ELFN2: variants seen among roughly 807,000 people sequenced by gnomAD.
The protein encoded by ELFN2 is protein phosphatase 1 regulatory subunit 29.
Under a neutral mutation model 45.5 loss-of-function variants are expected in ELFN2, and 17 were observed. The ratio of observed to expected loss-of-function variants is 0.37; its 90% confidence interval spans 0.26 to 0.56. The LOEUF is 0.56. Among genes scored for constraint, ELFN2 ranks in the 20% least tolerant of loss-of-function variants. The pLI is 0.77. For missense variants in ELFN2, 922 were observed against 1,183.2 expected, an observed-to-expected ratio of 0.78 and a Z score of 3.24; for synonymous variants, 550 against 551.5, an observed-to-expected ratio of 1.00 and a Z score of 0.04.
intron 2 of ELFN2, among the ~76,000 whole-genome samples, chr22:37,382,542 T>TTC (rs1931817894): frequency 1.8e-5 from 1 of 54,336 alleles, no homozygotes; most frequent in East Asian, 4.6e-4. Flanking sequence ...CACGCTGGCC[T>TTC]TTTTTTTTTT....
chr22:37,362,464 C>T (rs1014212044), intron 1 of ELFN2, among the ~76,000 whole-genome samples: 4 of 152,174 alleles, frequency 2.6e-5, no homozygotes, highest in African/African-American at 9.6e-5. Context: ...AGAATTTTAG[C>T]AACAAGACAC....
In ELFN2 at chr22:37,370,739, TC is replaced by T. The variant is rs1485308309; in HGVS notation, c.*2332del. 2 of 152,416 alleles carry T rather than the reference TC, an allele frequency of 1.3e-5. No homozygotes were observed. Among genetic ancestry groups the T allele is most frequent in the Non-Finnish European group, 2.9e-5 (2 of 68,092 alleles). The allele number at this position is 152,416 out of a possible 1,614,324, so 9.4% of individuals were successfully genotyped here. A position where few individuals can be genotyped will look rare whatever the true frequency, so the allele number is the denominator to read the frequency against. On this transcript the variant is annotated 3_prime_UTR_variant, in exon 3 of 3. Transcript: ENST00000402918. Reference sequence around the variant, plus strand: ...GGTCTGTTTTTGCAGAGCTGACCCCTCCCTGGGTTTCAAGAGCTGCTCGTCA... The same window carrying T: ...GGTCTGTTTTTGCAGAGCTGACCCCTCCTGGGTTTCAAGAGCTGCTCGTCA...
At chr22:37,400,890 G>A (rs530143431) in intron 2 of ELFN2, among the ~76,000 whole-genome samples, 49 of 152,364 alleles carry the variant, frequency 3.2e-4, no homozygotes, top group African/African-American at 1.2e-3. Flanking sequence ...GAAGGGACTT[G>A]TAATCCCTAA....
chr22:37,347,641 A>AACAC lies in ELFN2; in HGVS notation n.149-4942_149-4939dup, dbSNP rs55967141. On this transcript the variant is annotated intron_variant and non_coding_transcript_variant, in intron 1 of 2. Coordinates refer to ENST00000452946, the Ensembl canonical transcript of ELFN2. ...AGATTGTATAGGTGGTGGGTGGCAG[A>AACAC]ACACACACACACACACACACACACA... Among the ~76,000 whole-genome samples, 1,285 of 146,654 alleles carry AACAC rather than the reference A, an allele frequency of 8.8e-3. 3 individuals carry two copies. Among genetic ancestry groups the AACAC allele is most frequent in the Middle Eastern group, 0.014 (4 of 294 alleles).
intron 2 of ELFN2, among the ~76,000 whole-genome samples, chr22:37,342,152 C>G (rs73408355): frequency 3.9e-5 from 6 of 152,130 alleles, no homozygotes; most frequent in African/African-American, 1.2e-4. Flanking sequence ...CCCTGGAGAC[C>G]GAGCAAGTCT....
intron 2 of ELFN2, among the ~76,000 whole-genome samples, chr22:37,376,253 GCACAGAAGGGA>G (rs1931583894): frequency 6.6e-6 from 1 of 152,068 alleles, no homozygotes; most frequent in Non-Finnish European, 1.5e-5. Context: ...AGGATCATGG[GCACAGAAGGGA>G]CACTGGAGAG....
intron 2 of ELFN2, among the ~76,000 whole-genome samples, chr22:37,387,554 T>C (rs1931981689): frequency 6.6e-6 from 1 of 152,002 alleles, no homozygotes; most frequent in Non-Finnish European, 1.5e-5. Context: ...GAGCTGACCC[T>C]CCTGGGCACC....
chr22:37,355,606 T>TC (rs202036001), intron 1 of ELFN2, among the ~76,000 whole-genome samples: 70,189 of 151,864 alleles, frequency 0.46, 16,868 homozygotes, highest in Middle Eastern at 0.59. Context: ...CCCAAAGGGC[T>TC]CCCTTCCCAA....
At chr22:37,381,810 C>G (rs1271942088) in intron 2 of ELFN2, among the ~76,000 whole-genome samples, 1 of 151,822 alleles carries the variant, frequency 6.6e-6, no homozygotes, top group Non-Finnish European at 1.5e-5. Flanking sequence ...TGGGGAGATC[C>G]TGGATCCCCT....
In ELFN2 at chr22:37,373,693, T is replaced by G; in HGVS notation, c.1842A>C (p.Leu614=). Residue 614 remains leucine, a synonymous_variant, in exon 3 of 3, where the codon CTA becomes CTC. Transcript: ENST00000402918. ...PPYKESSHHP[L]QRQLSADAAV... is the part of the protein sequence containing the mutation. The stretch of plus-strand genomic sequence containing the variant: ...CCGCGTCGGCGCTCAGCTGGCGCTG[T>G]AGTGGGTGGTGGGAGCTCTCCTTGT... 1 of 1,562,114 alleles carries G rather than the reference T, an allele frequency of 6.4e-7. No individual in the cohort carries two copies. The highest frequency in any genetic ancestry group is 8.6e-7 in the Non-Finnish European group (1 of 1,158,326).
chr22:37,405,843 G>C (rs547469965), intron 2 of ELFN2, among the ~76,000 whole-genome samples: 1 of 149,872 alleles, frequency 6.7e-6, no homozygotes, highest in Non-Finnish European at 1.5e-5. Flanking sequence ...AGGGTGGAGG[G>C]GGGGTGGTCC....
intron 2 of ELFN2, among the ~76,000 whole-genome samples, chr22:37,376,364 C>T (rs1931586777): frequency 6.6e-6 from 1 of 151,936 alleles, no homozygotes; most frequent in Admixed American, 6.6e-5. Flanking sequence ...CATGCCCCCA[C>T]ATGAGCCAGA....
At chr22:37,414,696 G>T (rs1932734894) in intron 2 of ELFN2, among the ~76,000 whole-genome samples, 1 of 152,180 alleles carries the variant, frequency 6.6e-6, no homozygotes, top group Non-Finnish European at 1.5e-5. Flanking sequence ...ATAAATGACA[G>T]CATCGGGACA....
intron 1 of ELFN2, among the ~76,000 whole-genome samples, chr22:37,421,566 C>T (rs1416664866): frequency 6.6e-6 from 1 of 152,192 alleles, no homozygotes; most frequent in Admixed American, 6.5e-5. Context: ...CCGTGTCTCA[C>T]CTCTCCTCCA....
At chr22:37,361,849 T>C (rs888257951) in intron 1 of ELFN2, among the ~76,000 whole-genome samples, 1 of 152,190 alleles carries the variant, frequency 6.6e-6, no homozygotes, top group Non-Finnish European at 1.5e-5. Flanking sequence ...TGGTGGCCTA[T>C]GGAAAGTCAA....
At chr22:37,347,004 G>A (rs758283807) in intron 1 of ELFN2, among the ~76,000 whole-genome samples, 2 of 151,748 alleles carry the variant, frequency 1.3e-5, no homozygotes, top group African/African-American at 2.4e-5. Flanking sequence ...TTGAGATGGA[G>A]TTTTACTCCT....
chr22:37,404,406 A>AG (rs1569141070), intron 2 of ELFN2, among the ~76,000 whole-genome samples: 1 of 151,862 alleles, frequency 6.6e-6, no homozygotes, highest in East Asian at 1.9e-4. Context: ...AGAGAGACCA[A>AG]GGGGGGAGTT....
Position 37,399,623 on chromosome 22 carries a change from C to G in ELFN2, c.-463+18146G>C, listed in dbSNP as rs1253976620. Reference sequence around the variant, plus strand: ...GCCCACCTCTCCCACCTCCACCGACCACGGGGACCACCAGCCCACCTCTCC... The same window carrying G: ...GCCCACCTCTCCCACCTCCACCGACGACGGGGACCACCAGCCCACCTCTCC... On this transcript the variant is annotated intron_variant, in intron 2 of 2. Transcript: ENST00000402918. 2.7e-5 allele frequency among the ~76,000 whole-genome samples: 4 copies of G among 150,014 alleles called. No homozygotes were observed. In the East Asian group the frequency reaches 7.9e-4, roughly 30 times the overall value.
chr22:37,399,472 A>G (rs866501763), intron 2 of ELFN2, among the ~76,000 whole-genome samples: 4 of 150,292 alleles, frequency 2.7e-5, no homozygotes, highest in South Asian at 2.1e-4. Context: ...CAGACCACGG[A>G]GACCACCGGC....
Sources: gnomAD v4.1 joint callset for allele counts (sites outside exome capture counted in the v4.1 genomes callset) on GRCh38, gnomAD v4.1.1 for gene constraint, MANE v1.5 for transcripts, NCBI Gene and HGNC (gene_info 2026-07-23, HGNC 2026-07-21) for gene names.